Variants in KLK5 observed in about 807,000 individuals in gnomAD.
KLK5 encodes the protein kallikrein related peptidase 5, also known as kallikrein-5.
Under a neutral mutation model 24.0 loss-of-function variants are expected in KLK5, and 18 were observed. That is an observed-to-expected ratio of 0.75 (90% CI 0.52 to 1.11). KLK5 has a LOEUF of 1.11. Among genes scored for constraint, KLK5 ranks in the 50% most tolerant of loss-of-function variants. The pLI is 0.00. For missense variants in KLK5, 374 were observed against 379.2 expected, an observed-to-expected ratio of 0.99 and a Z score of 0.11; for synonymous variants, 140 against 154.0, an observed-to-expected ratio of 0.91 and a Z score of 0.67.
At position 50,943,711 on chromosome 19, in the gene KLK5, G is replaced by T; in HGVS notation, c.802C>A (p.Arg268=). ...LVSWGDYPCA[R]PNRPGVYTNL... The stretch of plus-strand genomic sequence containing the variant: ...GTGTAGACACCCGGTCTGTTGGGCC[G>T]GGCACAAGGGTAATCTCCCCAGGAC... Residue 268 remains arginine (R), a synonymous_variant, in exon 6 of 6, where the codon CGG becomes AGG. Transcript: ENST00000336334. 1 of 1,613,882 alleles carries T rather than the reference G, an allele frequency of 6.2e-7. No individual in the cohort carries two copies. Among genetic ancestry groups the T allele is most frequent in the South Asian group, 1.1e-5 (1 of 91,066 alleles).
intron 2 of KLK5, 45 bp from the exon 3 acceptor site, chr19:50,950,161 G>C: frequency 6.3e-7 from 1 of 1,585,650 alleles, no homozygotes; most frequent in Non-Finnish European, 8.6e-7. Flanking sequence ...GGCGGGGCTT[G>C]GGCTGGGGGT....
chr19:50,948,334 G>A (rs1356194503), intron 5 of KLK5, among the ~76,000 whole-genome samples: 1 of 152,098 alleles, frequency 6.6e-6, no homozygotes, highest in East Asian at 1.9e-4. Flanking sequence ...TGTTGGCCAG[G>A]CTAGTCTCAA....
Position 50,950,077 on chromosome 19 carries a change from G to C in KLK5, c.113C>G (p.Pro38Arg), listed in dbSNP as rs2090673421. The C allele has an allele frequency of 6.2e-7, 1 of 1,613,640 alleles. No individual in the cohort carries two copies. The highest frequency in any genetic ancestry group is 8.5e-7 in the Non-Finnish European group (1 of 1,179,942). The change falls in exon 3 of 6, where the codon CCC (proline) becomes CGC (arginine). Residue 38 changes from proline to arginine, a missense_variant. By Grantham distance (103) the Pro-to-Arg change is moderately radical. Transcript: ENST00000336334. Reference sequence around the variant, plus strand: ...GCTCCCAGAGGGCACGGTGTTAGAGGGGTGGTCACAGGAAACATCATTGTT... The same window carrying C: ...GCTCCCAGAGGGCACGGTGTTAGAGCGGTGGTCACAGGAAACATCATTGTT... ...LANNDVSCDH[P>R]SNTVPSGSNQ...
chr19:50,949,728 T>G (rs2090667179), intron 3 of KLK5, 127 bp downstream of exon 3: 2 of 494,296 alleles, frequency 4.0e-6, no homozygotes, highest in Non-Finnish European at 3.2e-6. Flanking sequence ...TCACCTTCCA[T>G]GACACCCCCA....
intron 2 of KLK5, among the ~76,000 whole-genome samples, chr19:50,950,908 A>AAG (rs58368971): frequency 1.3e-5 from 2 of 150,214 alleles, no homozygotes; most frequent in Non-Finnish European, 3.0e-5. Context: ...AAAAAAAAAA[A>AAG]GCTCTGACTT....
Position 50,946,049 on chromosome 19 carries a change from G to T in KLK5, c.727-2263C>A, listed in dbSNP as rs188953906. Among the ~76,000 whole-genome samples the T allele has an allele frequency of 2.5e-3, 385 of 152,324 alleles. 5 individuals carry two copies. The highest frequency in any genetic ancestry group is 8.9e-3 in the African/African-American group (369 of 41,574). ...ACATGCATGCAAAATATGAATTACA[G>T]AGTCCTGGTATCAATTATTAGGAAA... On this transcript the variant is annotated intron_variant, in intron 5 of 5. Coordinates refer to ENST00000336334, the MANE Select transcript of KLK5 (RefSeq NM_012427.5).
In KLK5 at chr19:50,950,113, T is replaced by G. The variant is rs775791294; in HGVS notation, c.77A>C (p.His26Pro). The change falls in exon 3 of 6, where the codon CAT (histidine) becomes CCT (proline). Residue 26 changes from histidine to proline, a missense_variant. His to Pro is a moderately conservative substitution (Grantham distance 77). Transcript: ENST00000336334. ...ITALLLGVTE[H>P]VLANNDVSCD... ...GGAAACATCATTGTTGGCGAGAACA[T>G]GCTCTGGGAACGGAAAATGGGTTGG... 1 of 1,605,182 alleles carries G rather than the reference T, an allele frequency of 6.2e-7. No homozygotes were observed. The highest frequency in any genetic ancestry group is 8.5e-7 in the Non-Finnish European group (1 of 1,175,618).
chr19:50,946,660 G>C (rs12979237), intron 5 of KLK5, among the ~76,000 whole-genome samples: 29,093 of 151,710 alleles, frequency 0.19, 3,510 homozygotes, highest in Admixed American at 0.32. Context: ...CCCGGGTTCA[G>C]GCCATTCTCC....
chr19:50,949,959 G>A lies in KLK5; in HGVS notation c.231C>T (p.Thr77=). The change falls in exon 3 of 6, where the codon ACC becomes ACT. Residue 77 remains threonine (T), a synonymous_variant. Coordinates refer to ENST00000336334, the MANE Select transcript of KLK5 (RefSeq NM_012427.5). ...GCAACAGCGCGGCCTGCCACGGCTG[G>A]GTGTGCATATCGCAGTCGGATCCAT... ...IINGSDCDMH[T]QPWQAALLLR... is the part of the protein sequence containing the mutation. The A allele has an allele frequency of 6.2e-7, 1 of 1,613,808 alleles. No individual in the cohort carries two copies. The highest frequency in any genetic ancestry group is 1.3e-5 in the African/African-American group (1 of 74,892).
rs1000240368 is a variant in KLK5, at chr19:50,948,567, G to A, written c.726+73C>T. ...TGTCTTGGCAATTGCTGGATTCTCA[G>A]AATTTGGCAACGCTCCATGTTACCG... On this transcript the variant is annotated intron_variant, in intron 5 of 5. Transcript: ENST00000336334. 25 of 1,518,306 alleles carry A rather than the reference G, an allele frequency of 1.6e-5. No individual in the cohort carries two copies. The African/African-American group carries it at 3.3e-4, about 20-fold the overall frequency. 94.1% of individuals were successfully genotyped at this position (1,518,306 alleles called of 1,614,324 possible).
rs756645055 is a variant in KLK5 at position 50,949,021 on chromosome 19, C to G, written c.430G>C (p.Gly144Arg). ...FQGVKSIPHP[G>R]YSHPGHSNDL... ...TTAGAGTGGCCAGGGTGGGAGTAGC[C>G]AGGGTGGGGGATGGATTTGACCCCC... Residue 144 changes from glycine to arginine, a missense_variant, in exon 4 of 6, where the codon GGC (glycine) becomes CGC (arginine). By Grantham distance (125) the Gly-to-Arg change is moderately radical. Transcript: ENST00000336334. The G allele has an allele frequency of 1.9e-6, 3 of 1,613,872 alleles. No homozygotes were observed.
At chr19:50,944,534 G>A (rs1285085300) in intron 5 of KLK5, among the ~76,000 whole-genome samples, 1 of 151,826 alleles carries the variant, frequency 6.6e-6, no homozygotes, top group East Asian at 1.9e-4. Flanking sequence ...TCTCTTACTG[G>A]ACACACACCT....
chr19:50,946,636 T>C (rs547317748), intron 5 of KLK5, among the ~76,000 whole-genome samples: 1 of 152,086 alleles, frequency 6.6e-6, no homozygotes, highest in East Asian at 1.9e-4. Flanking sequence ...CTCGGCTCAC[T>C]GCAAGTTCCG....
chr19:50,950,269 A>AAGCCCAGGCTCAAGCTCAAGGACAG, intron 2 of KLK5, 153 bp from the exon 3 acceptor site: 1 of 699,464 alleles, frequency 1.4e-6, no homozygotes, highest in South Asian at 1.8e-5. Context: ...GGCACCTCTC[A>AAGCCCAGGCTCAAGCTCAAGGACAG]AGCCCAGGCT....
At chr19:50,945,242 G>A (rs1344605884) in intron 5 of KLK5, among the ~76,000 whole-genome samples, 1 of 150,044 alleles carries the variant, frequency 6.7e-6, no homozygotes, top group Non-Finnish European at 1.5e-5. Flanking sequence ...CCAAGTAGCT[G>A]GAACTACAGG....
intron 2 of KLK5, 90 bp downstream of exon 2, chr19:50,952,495 C>A: frequency 1.1e-6 from 1 of 912,684 alleles, no homozygotes; most frequent in South Asian, 1.8e-5. Flanking sequence ...CATGCCCAGG[C>A]TCACACAGTT....
At chr19:50,952,100 C>A (rs549127726) in intron 2 of KLK5, among the ~76,000 whole-genome samples, 1 of 124,844 alleles carries the variant, frequency 8.0e-6, no homozygotes, top group South Asian at 2.6e-4. Flanking sequence ...ATCACATAAT[C>A]GCCTGCAAGC....
At position 50,946,850 on chromosome 19, in the gene KLK5, C is replaced by T. The variant is rs541953802; in HGVS notation, c.726+1790G>A. On this transcript the variant is annotated intron_variant, in intron 5 of 5. Transcript: ENST00000336334. ...TTGGGATTACAGGTGTGAGCCACCACGCCCGGCCGAGATGTGCTTTCTTCT... is the reference window on the plus strand; with the variant it reads ...TTGGGATTACAGGTGTGAGCCACCATGCCCGGCCGAGATGTGCTTTCTTCT... 2.3e-4 allele frequency among the ~76,000 whole-genome samples: 35 copies of T among 152,284 alleles called. No individual in the cohort carries two copies. The South Asian group carries it at 4.6e-3, about 20-fold the overall frequency.
chr19:50,949,796 C>CCCGTCCCCACCACCCCTCACCTCCATG, intron 3 of KLK5, 59 bp downstream of exon 3: 1 of 165,018 alleles, frequency 6.1e-6, no homozygotes, highest in Non-Finnish European at 1.2e-5. Context: ...CCCCCACTTC[C>CCCGTCCCCACCACCCCTCACCTCCATG]CCACCCCCAC....
Sources: allele counts gnomAD v4.1 joint callset (sites outside exome capture counted in the v4.1 genomes callset), GRCh38; gene constraint gnomAD v4.1.1; transcripts MANE v1.5; gene names NCBI Gene and HGNC (gene_info 2026-07-23, HGNC 2026-07-21).